Variants in MTIF3 observed in about 807,000 individuals in gnomAD.
The protein encoded by MTIF3 is mitochondrial translational initiation factor 3.
In MTIF3, 13 loss-of-function variants were observed where a neutral mutation model predicts 20.7. That is an observed-to-expected ratio of 0.63 (90% CI 0.41 to 1.00). MTIF3 has a LOEUF of 1.00. Ranked by LOEUF, MTIF3 falls within the 50% of genes least tolerant of loss-of-function variation. The pLI is 0.00. For synonymous variants in MTIF3, 114 were observed against 112.5 expected (o/e 1.01, Z -0.08); for missense variants, 295 against 324.5 (o/e 0.91, Z 0.70).
rs763964793 is a variant in MTIF3 at position 27,440,282 on chromosome 13, C to T, written c.167G>A (p.Ser56Asn). 3.7e-6 allele frequency: 6 copies of T among 1,614,076 alleles called. No individual in the cohort carries two copies. In the South Asian group the frequency reaches 6.6e-5, roughly 18 times the overall value. ...LSFLIHAKAF[S>N]TAEDTQNEGK... ...TTCATTCTGGGTGTCTTCAGCGGTACTAAAGGCTTTTGCATGAATTAGGAA... is the reference window on the plus strand; with the variant it reads ...TTCATTCTGGGTGTCTTCAGCGGTATTAAAGGCTTTTGCATGAATTAGGAA... Residue 56 changes from serine (S) to asparagine (N), a missense_variant, in exon 3 of 5, where the codon AGT becomes AAT. By Grantham distance (46) the Ser-to-Asn change is conservative. Coordinates refer to ENST00000381120, the MANE Select transcript of MTIF3 (RefSeq NM_152912.5).
chr13:27,437,294 T>C (rs1486898453), intron 3 of MTIF3, 21 bp from the exon 4 acceptor site: 2 of 1,610,604 alleles, frequency 1.2e-6, no homozygotes, highest in Non-Finnish European at 1.7e-6. Context: ...ACAGATAGGG[T>C]GCAAGGACTA....
intron 2 of MTIF3, among the ~76,000 whole-genome samples, chr13:27,442,314 T>C (rs983139465): frequency 6.6e-6 from 1 of 152,034 alleles, no homozygotes; most frequent in Admixed American, 6.6e-5. Context: ...CTTCTCACCT[T>C]CTCTACTGCT....
At chr13:27,442,195 G>A (rs559023823) in intron 2 of MTIF3, among the ~76,000 whole-genome samples, 1 of 152,236 alleles carries the variant, frequency 6.6e-6, no homozygotes, top group South Asian at 2.1e-4. Flanking sequence ...TCATGTAATT[G>A]CAACACATTC....
intron 3 of MTIF3, among the ~76,000 whole-genome samples, chr13:27,438,480 A>G: frequency 1.3e-5 from 1 of 75,922 alleles, no homozygotes; most frequent in African/African-American, 4.5e-5. Context: ...ACAGAGCAAG[A>G]CTGTTTTTTT....
chr13:27,445,020 G>A (rs1462348704), intron 2 of MTIF3, 68 bp downstream of exon 2: 1 of 152,068 alleles, frequency 6.6e-6, no homozygotes, highest in African/African-American at 2.4e-5. Context: ...AACTGCATGG[G>A]ACTATTATAT....
Position 27,437,184 on chromosome 13 carries a change from T to C in MTIF3, c.550A>G (p.Lys184Glu). ...GTAATCTGGACTAGGTGTTTTTTCT[T>C]AATCCACTGCTGAATCTGTTTAGTC... ...TKTKQIQQWI[K>E]KKHLVQITIK... The change falls in exon 4 of 5, where the codon AAG (lysine) becomes GAG (glutamate). Residue 184 changes from lysine to glutamate, a missense_variant. Coordinates refer to ENST00000381120, the MANE Select transcript of MTIF3 (RefSeq NM_152912.5). 1 of 1,614,142 alleles carries C rather than the reference T, an allele frequency of 6.2e-7. No individual in the cohort carries two copies. The highest frequency in any genetic ancestry group is 8.5e-7 in the Non-Finnish European group (1 of 1,179,966).
intron 3 of MTIF3, among the ~76,000 whole-genome samples, chr13:27,439,362 G>A (rs1335682638): frequency 1.3e-5 from 2 of 152,208 alleles, no homozygotes; most frequent in African/African-American, 4.8e-5. Flanking sequence ...CGGGCGTGGT[G>A]GCGGGCGCCT....
intron 2 of MTIF3, among the ~76,000 whole-genome samples, chr13:27,442,705 C>T (rs1954046578): frequency 6.6e-6 from 1 of 152,196 alleles, no homozygotes; most frequent in Non-Finnish European, 1.5e-5. Flanking sequence ...CAGATAGCCT[C>T]ATGGTTCATT....
rs746392918 is a variant in MTIF3, at chr13:27,435,694, G to T, written c.818C>A (p.Ser273Ter). ...LNKDHGNDKESNVLHQ is the reference protein window; with the variant it reads ...LNKDHGNDKE The stretch of plus-strand genomic sequence containing the variant: ...TTAAAATTACTGATGCAGAACATTT[G>T]ATTCCTTATCATTTCCATGGTCTTT... Residue 273 changes from serine to a stop codon, truncating the protein, a stop_gained, in exon 5 of 5, where the codon TCA (serine) becomes TAA (stop). Coordinates refer to ENST00000381120, the MANE Select transcript of MTIF3 (RefSeq NM_152912.5). LOFTEE classifies it high-confidence loss of function. The T allele has an allele frequency of 6.2e-7, 1 of 1,613,922 alleles. No individual in the cohort carries two copies. Among genetic ancestry groups the T allele is most frequent in the South Asian group, 1.1e-5 (1 of 91,072 alleles).
chr13:27,448,480 C>T (rs17085633), intron 1 of MTIF3, among the ~76,000 whole-genome samples: 62,201 of 151,918 alleles, frequency 0.41, 13,748 homozygotes, highest in South Asian at 0.58. Context: ...AGCCTTAATC[C>T]CAGAGGGCCT....
At position 27,435,687 on chromosome 13, in the gene MTIF3, A is replaced by T. The variant is rs1456476325; in HGVS notation, c.825T>A (p.Val275=). 10 of 1,613,834 alleles carry T rather than the reference A, an allele frequency of 6.2e-6. No individual in the cohort carries two copies. Among genetic ancestry groups the T allele is most frequent in the Non-Finnish European group, 8.5e-6 (10 of 1,179,924 alleles). ...KDHGNDKESN[V]LHQ is the part of the protein sequence containing the mutation. The stretch of plus-strand genomic sequence containing the variant: ...TTCTTTATTAAAATTACTGATGCAG[A>T]ACATTTGATTCCTTATCATTTCCAT... Residue 275 remains valine, a synonymous_variant, in exon 5 of 5, where the codon GTT becomes GTA. Coordinates refer to ENST00000381120, the MANE Select transcript of MTIF3 (RefSeq NM_152912.5).
chr13:27,444,363 C>A (rs1030346629), intron 2 of MTIF3, among the ~76,000 whole-genome samples: 7 of 151,872 alleles, frequency 4.6e-5, no homozygotes, highest in African/African-American at 1.5e-4. Flanking sequence ...AAGTTCTTTG[C>A]CACTAGTTTA....
At chr13:27,436,164 C>A (rs1315039612) in intron 4 of MTIF3, among the ~76,000 whole-genome samples, 1 of 152,178 alleles carries the variant, frequency 6.6e-6, no homozygotes. Flanking sequence ...ATTACCCTCT[C>A]CCACAAACAG....
chr13:27,447,817 T>C (rs1369076452), intron 1 of MTIF3, among the ~76,000 whole-genome samples: 1 of 152,256 alleles, frequency 6.6e-6, no homozygotes, highest in African/African-American at 2.4e-5. Context: ...TCGAGATTCA[T>C]TCACGTTGTA....
chr13:27,439,086 C>T (rs1953897527), intron 3 of MTIF3, among the ~76,000 whole-genome samples: 1 of 152,220 alleles, frequency 6.6e-6, no homozygotes. Context: ...TTCTGTGAGG[C>T]TTAAATGACA....
intron 4 of MTIF3, among the ~76,000 whole-genome samples, chr13:27,436,446 T>C (rs142826570): frequency 2.0e-5 from 3 of 152,022 alleles, no homozygotes; most frequent in African/African-American, 4.8e-5. Flanking sequence ...CATAAACTTA[T>C]GGGATTGGAA....
intron 3 of MTIF3, among the ~76,000 whole-genome samples, chr13:27,438,557 A>G (rs1466962722): frequency 7.1e-6 from 1 of 141,316 alleles, no homozygotes; most frequent in East Asian, 2.1e-4. Context: ...CAGTGGCATG[A>G]TCATGGTTCT....
intron 1 of MTIF3, among the ~76,000 whole-genome samples, chr13:27,448,625 A>G (rs1204338223): frequency 1.3e-5 from 2 of 151,530 alleles, no homozygotes; most frequent in African/African-American, 2.5e-5. Context: ...AACACTGGAA[A>G]AAGCCAACAT....
intron 3 of MTIF3, among the ~76,000 whole-genome samples, chr13:27,439,137 G>A (rs558069056): frequency 6.6e-6 from 1 of 152,346 alleles, no homozygotes; most frequent in East Asian, 1.9e-4. Context: ...TAAGAGTGTT[G>A]CTACTGATAT....
Sources: allele counts gnomAD v4.1 joint callset (sites outside exome capture counted in the v4.1 genomes callset), GRCh38; gene constraint gnomAD v4.1.1; transcripts MANE v1.5; gene names NCBI Gene and HGNC (gene_info 2026-07-23, HGNC 2026-07-21).